Variants in INF2 observed in about 807,000 individuals in gnomAD.
The protein encoded by INF2 is inverted formin 2.
INF2 carries 43 observed loss-of-function variants against 123.5 expected under a neutral mutation model. That is an observed-to-expected ratio of 0.35 (90% CI 0.27 to 0.45). The LOEUF (loss-of-function observed/expected upper bound fraction) is 0.45. Among genes scored for constraint, INF2 ranks in the 20% least tolerant of loss-of-function variants. The probability of loss-of-function intolerance (pLI) is 1.00; values close to 1 mark genes in which losing one functional copy is unlikely to be tolerated. For synonymous variants in INF2, 851 were observed against 745.0 expected, an observed-to-expected ratio of 1.14 and a Z score of -2.32; for missense variants, 1,453 against 1,682.7, an observed-to-expected ratio of 0.86 and a Z score of 2.39.
chr14:104,716,761 G>C (rs990704267), intron 22 of INF2, among the ~76,000 whole-genome samples: 1 of 152,214 alleles, frequency 6.6e-6, no homozygotes, highest in African/African-American at 2.4e-5. Flanking sequence ...TGCGATCTGA[G>C]CTCACAGCAA....
chr14:104,699,985 CACCAGGCTTGGTCGTGG>C lies in INF2; in HGVS notation c.-9-1363_-9-1347del, dbSNP rs1429345916. Among the ~76,000 whole-genome samples, 1 of 152,138 alleles carries C rather than the reference CACCAGGCTTGGTCGTGG, an allele frequency of 6.6e-6. No homozygotes were observed. The highest frequency in any genetic ancestry group is 1.9e-4 in the East Asian group (1 of 5,192). On this transcript the variant is annotated intron_variant, in intron 1 of 22. Coordinates refer to ENST00000392634, the MANE Select transcript of INF2 (RefSeq NM_022489.4). This position sits in a 1 kb window ranked among gnomAD's most constrained non-coding sequence, Gnocchi z 4.7. The stretch of plus-strand genomic sequence containing the variant: ...GGAGTAGGGGCTGGACTGCCGGAAA[CACCAGGCTTGGTCGTGG>C]ACCAGGCTGGGGAGTGGGCCTGAGA...
At chr14:104,718,238 A>G (rs1307052559) in intron 22 of INF2, among the ~76,000 whole-genome samples, 1 of 152,060 alleles carries the variant, frequency 6.6e-6, no homozygotes, top group Non-Finnish European at 1.5e-5. Context: ...TGGGGGTGAC[A>G]CTCAGACAAG....
At chr14:104,702,835 A>G (rs1011122448) in intron 2 of INF2, among the ~76,000 whole-genome samples, 5 of 152,232 alleles carry the variant, frequency 3.3e-5, no homozygotes, top group Non-Finnish European at 7.3e-5. Context: ...CATTGGGAGA[A>G]AAGCTGGGCC....
chr14:104,707,738 C>T lies in INF2; in HGVS notation c.1471C>T (p.Pro491Ser), dbSNP rs1378009593. The T allele has an allele frequency of 2.2e-6, 3 of 1,356,290 alleles. No homozygotes were observed. The highest frequency in any genetic ancestry group is 1.5e-5 in the African/African-American group (1 of 66,936). 84.0% of individuals were successfully genotyped at this position (1,356,290 alleles called of 1,614,324 possible). The part of the protein sequence containing the change: ...PGSCEFLPPP[P>S]PPLPGLGCPP... ...CTCCTGTGAGTTCCTGCCCCCACCA[C>T]CTCCACCACTCCCGGGCTTGGGATG... The change falls in exon 8 of 23, where the codon CCT becomes TCT. Residue 491 changes from proline to serine, a missense_variant. By Grantham distance (74) the Pro-to-Ser change is moderately conservative. This residue lies in a region of INF2 where 374 missense variants were observed against 303.7 expected (regional missense o/e 1.23). Coordinates refer to ENST00000392634, the MANE Select transcript of INF2 (RefSeq NM_022489.4).
Position 104,713,221 on chromosome 14 carries a change from G to T in INF2, c.2790G>T (p.Arg930=). The T allele has an allele frequency of 6.4e-7, 1 of 1,555,646 alleles. No homozygotes were observed. The highest frequency in any genetic ancestry group is 1.4e-5 in the African/African-American group (1 of 73,386). ...TGCCAGTGCAGGAGAACAAGGACCG[G>T]AAGGAGCAGGCGGCGAAGGCAGAGA... ...FLRALKENKD[R]KEQAAKAERR... Residue 930 remains arginine (R), a synonymous_variant, in exon 19 of 23, where the codon CGG becomes CGT. Coordinates refer to ENST00000392634, the MANE Select transcript of INF2 (RefSeq NM_022489.4).
At chr14:104,689,517 C>G, upstream of INF2, 5 of 511,382 alleles carry the variant, frequency 9.8e-6, no homozygotes, top group Non-Finnish European at 1.3e-5. Context: ...CCACCTCCCC[C>G]CCCAGGCCCC....
rs1318697842 is a variant in INF2 at position 104,718,825 on chromosome 14, A to G, written c.*32A>G. The G allele has an allele frequency of 6.2e-7, 1 of 1,612,760 alleles. No individual in the cohort carries two copies. Among genetic ancestry groups the G allele is most frequent in the Admixed American group, 1.7e-5 (1 of 59,984 alleles). The stretch of plus-strand genomic sequence containing the variant: ...AGGCCCAGGCCCAAGGCCAAGTGAG[A>G]GAGCCCAGGCCACAGGACATGCTGC... On this transcript the variant is annotated 3_prime_UTR_variant, in exon 23 of 23. Transcript: ENST00000392634.
At chr14:104,695,998 G>T (rs757819321) in intron 1 of INF2, among the ~76,000 whole-genome samples, 1 of 152,132 alleles carries the variant, frequency 6.6e-6, no homozygotes, top group African/African-American at 2.4e-5. Flanking sequence ...AGTATGAAAC[G>T]ACCATATTCA....
rs76871323 is a variant in INF2, at chr14:104,699,679, G to A, written c.-9-1678G>A. ...AACCACAGTGCACCGGGGGCTCCGGGCTCTCCGTTCTACAGTGCCCAGACC... is the reference window on the plus strand; with the variant it reads ...AACCACAGTGCACCGGGGGCTCCGGACTCTCCGTTCTACAGTGCCCAGACC... On this transcript the variant is annotated intron_variant, in intron 1 of 22. Coordinates refer to ENST00000392634, the MANE Select transcript of INF2 (RefSeq NM_022489.4). This position sits in a 1 kb window ranked among gnomAD's most constrained non-coding sequence, Gnocchi z 4.7. 76 of 792,536 alleles carry A rather than the reference G, an allele frequency of 9.6e-5. No individual in the cohort carries two copies. The East Asian group carries it at 8.9e-3, about 92-fold the overall frequency. 49.1% of individuals were successfully genotyped at this position (792,536 alleles called of 1,614,324 possible).
chr14:104,707,015 A>G lies in INF2; in HGVS notation c.949A>G (p.Ser317Gly), dbSNP rs762702624. The stretch of plus-strand genomic sequence containing the variant: ...CCAGCTGCTCTGGGAGGCCCTGGAG[A>G]GCCTCGTGAACCGGGCCGTGCTCCT... ...SSQLLWEALE[S>G]LVNRAVLLAS... Residue 317 changes from serine (S) to glycine (G), a missense_variant, in exon 7 of 23, where the codon AGC becomes GGC. By Grantham distance (56) the Ser-to-Gly change is moderately conservative. Transcript: ENST00000392634. 2 of 1,591,484 alleles carry G rather than the reference A, an allele frequency of 1.3e-6. No individual in the cohort carries two copies. Among genetic ancestry groups the G allele is most frequent in the Non-Finnish European group, 1.7e-6 (2 of 1,176,150 alleles).
chr14:104,692,993 C>T (rs1004916611), intron 1 of INF2, among the ~76,000 whole-genome samples: 1 of 152,234 alleles, frequency 6.6e-6, no homozygotes, highest in African/African-American at 2.4e-5. Context: ...GGGGCACCCT[C>T]CATCTCCCTC....
rs1199657249 is a variant in INF2, at chr14:104,720,587, T to G, written c.*1794T>G. ...CTGTGGACGTCTGCGTAGTCTCGTG[T>G]GGATGCTGCTGTGCACGTCTGCGTC... On this transcript the variant is annotated 3_prime_UTR_variant, in exon 23 of 23. Transcript: ENST00000392634. The G allele has an allele frequency of 3.9e-5, 3 of 77,582 alleles. 1 individual carries two copies. The highest frequency in any genetic ancestry group is 2.4e-4 in the African/African-American group (3 of 12,266). 4.8% of individuals were successfully genotyped at this position (77,582 alleles called of 1,614,324 possible). A position where few individuals can be genotyped will look rare whatever the true frequency, so the allele number is the denominator to read the frequency against.
At chr14:104,702,510 C>T (rs763771847) in intron 2 of INF2, among the ~76,000 whole-genome samples, 1 of 152,222 alleles carries the variant, frequency 6.6e-6, no homozygotes, top group Non-Finnish European at 1.5e-5. Context: ...CCTACCGATG[C>T]TTGGGGACGA....
chr14:104,689,974 C>G (rs1328842456), intron 1 of INF2: 1 of 153,628 alleles, frequency 6.5e-6, no homozygotes, highest in Non-Finnish European at 1.4e-5. Flanking sequence ...GCCGAGGCAC[C>G]GCCCGAGCGC....
intron 20 of INF2, 74 bp downstream of exon 20, chr14:104,713,680 C>T: frequency 2.0e-6 from 3 of 1,502,164 alleles, no homozygotes; most frequent in Non-Finnish European, 2.7e-6. Context: ...GGAAGTCCTC[C>T]TGACTTCACT....
chr14:104,703,866 A>T (rs745581200), intron 4 of INF2, 50 bp from the exon 5 acceptor site: 19 of 1,609,542 alleles, frequency 1.2e-5, no homozygotes, highest in Non-Finnish European at 1.6e-5. Flanking sequence ...TGAAATGGGG[A>T]AGGCGGGGAG....
chr14:104,700,694 T>C (rs1241398916), intron 1 of INF2, among the ~76,000 whole-genome samples: 1 of 152,074 alleles, frequency 6.6e-6, no homozygotes, highest in Non-Finnish European at 1.5e-5. Flanking sequence ...GTCAGACCTG[T>C]TGCGACTGAA....
chr14:104,703,272 C>T (rs776416385), intron 3 of INF2, 23 bp from the exon 4 acceptor site: 2 of 1,612,962 alleles, frequency 1.2e-6, no homozygotes, highest in South Asian at 2.2e-5. Context: ...CCTGGGTGTG[C>T]CCTGACCCCG....
At chr14:104,689,308 T>C (rs1227590826), upstream of INF2, 1 of 958,478 alleles carries the variant, frequency 1.0e-6, no homozygotes, top group Admixed American at 6.2e-5. Context: ...CGGGAGGCGG[T>C]GGAGGGCAGG....
Sources: gnomAD v4.1 joint callset for allele counts (sites outside exome capture counted in the v4.1 genomes callset) on GRCh38, gnomAD v4.1.1 for gene constraint, gnomAD v4.1.1 regional missense constraint, Gnocchi (gnomAD v3.1) non-coding constraint, MANE v1.5 for transcripts, NCBI Gene and HGNC (gene_info 2026-07-23, HGNC 2026-07-21) for gene names.